The following PCDH15 variants were observed in gnomAD, a reference collection of about 807,000 sequenced individuals.
PCDH15 encodes protocadherin-15.
Under a neutral mutation model 178.5 loss-of-function variants are expected in PCDH15, and 129 were observed. The ratio of observed to expected loss-of-function variants is 0.72; its 90% CI spans 0.63 to 0.84. The LOEUF is 0.84. PCDH15 is among the 40% of genes least tolerant of loss of function. The pLI, the probability that PCDH15 is intolerant of heterozygous loss-of-function variation, is 0.00. For missense variants in PCDH15, 2,230 were observed against 2,099.9 expected (o/e 1.06, Z -1.21); for synonymous variants, 800 against 732.0 (o/e 1.09, Z -1.50).
At chr10:55,157,764 T>C (rs1204073067) in intron 2 of PCDH15, among the ~76,000 whole-genome samples, 2 of 151,316 alleles carry the variant, frequency 1.3e-5, no homozygotes, top group East Asian at 2.0e-4. Context: ...ATGAGAACAC[T>C]TGGACACAGG....
chr10:54,672,568 T>C lies in PCDH15; in HGVS notation c.-28-8278A>G, dbSNP rs189108098. Reference sequence around the variant, plus strand: ...AGGACATATGCCAGGGAACTCCAGGTGACTTCTTGGACCAGAGGATGGCCT... The same window carrying C: ...AGGACATATGCCAGGGAACTCCAGGCGACTTCTTGGACCAGAGGATGGCCT... On this transcript the variant is annotated intron_variant, in intron 1 of 37. Transcript: ENST00000644397. Among the ~76,000 whole-genome samples the C allele has an allele frequency of 1.6e-3, 245 of 152,282 alleles. 4 individuals are homozygous for C. Among genetic ancestry groups the C allele is most frequent in the African/African-American group, 5.7e-3 (237 of 41,558 alleles).
chr10:55,239,933 TATTC>T (rs1422561119), intron 1 of PCDH15, among the ~76,000 whole-genome samples: 1 of 151,852 alleles, frequency 6.6e-6, no homozygotes, highest in Non-Finnish European at 1.5e-5. Context: ...TATGAAAAAA[TATTC>T]ATATCAAAAA....
intron 21 of PCDH15, among the ~76,000 whole-genome samples, chr10:53,970,926 C>A (rs553019149): frequency 6.6e-6 from 1 of 152,172 alleles, no homozygotes; most frequent in African/African-American, 2.4e-5. Flanking sequence ...GGAATCCTCC[C>A]TAACTCATTT....
intron 3 of PCDH15, among the ~76,000 whole-genome samples, chr10:54,814,420 A>G (rs1221654581): frequency 2.6e-5 from 4 of 152,186 alleles, no homozygotes; most frequent in Non-Finnish European, 5.9e-5. Flanking sequence ...TTAATAAAAA[A>G]GTATGGCAAA....
At position 53,970,873 on chromosome 10, in the gene PCDH15, G is replaced by A. The variant is rs146940779; in HGVS notation, c.2869-8981C>T. On this transcript the variant is annotated intron_variant, in intron 21 of 37. Coordinates refer to ENST00000644397, the MANE Select transcript of PCDH15 (RefSeq NM_001384140.1). ...TCTACCAGAGGTACAAAGTGGATCT[G>A]GTACTATTCCTTCTGAAGCTATTCC... Among the ~76,000 whole-genome samples, 337 of 152,200 alleles carry A rather than the reference G, an allele frequency of 2.2e-3. 2 individuals carry two copies. Among genetic ancestry groups the A allele is most frequent in the African/African-American group, 7.6e-3 (315 of 41,502 alleles).
At chr10:54,559,016 A>T (rs1013372692) in intron 2 of PCDH15, among the ~76,000 whole-genome samples, 4 of 152,096 alleles carry the variant, frequency 2.6e-5, no homozygotes, top group South Asian at 2.1e-4. Flanking sequence ...TGGCACAAGA[A>T]TTGCGCAGGT....
intron 28 of PCDH15, 23 bp downstream of exon 28, chr10:53,857,152 T>C (rs747696803): frequency 2.7e-6 from 4 of 1,473,704 alleles, no homozygotes; most frequent in Non-Finnish European, 3.8e-6. Context: ...AAAATAAATA[T>C]ATAAGGAGAC....
rs151208524 is a variant in PCDH15 at position 55,105,254 on chromosome 10, T to G, written c.-80+61322A>C. 1.9e-3 allele frequency among the ~76,000 whole-genome samples: 285 copies of G among 152,268 alleles called. 2 individuals carry two copies. The highest frequency in any genetic ancestry group is 3.0e-3 in the Admixed American group (46 of 15,276). On this transcript the variant is annotated intron_variant, in intron 2 of 5. Coordinates refer to the PCDH15 transcript ENST00000458638. ...TCATGACATGCCAATTTTTTTCTTA[T>G]TTTTTAAAATATTTCTCATATATGT...
intron 21 of PCDH15, among the ~76,000 whole-genome samples, chr10:53,971,332 T>A (rs11497826): frequency 0.017 from 2,542 of 152,304 alleles, 76 homozygotes; most frequent in African/African-American, 0.058. Context: ...GCCAATATCA[T>A]ACTGAATGGG....
chr10:54,343,476 C>T (rs1369741804), intron 6 of PCDH15, among the ~76,000 whole-genome samples: 1 of 152,044 alleles, frequency 6.6e-6, no homozygotes, highest in Admixed American at 6.6e-5. Context: ...ATTACCCAGT[C>T]TTAGTTATTC....
At chr10:54,603,374 A>G in intron 2 of PCDH15, among the ~76,000 whole-genome samples, 1 of 151,480 alleles carries the variant, frequency 6.6e-6, no homozygotes, top group East Asian at 1.9e-4. Flanking sequence ...TCCTTTTTAA[A>G]ATTTATTTTT....
chr10:55,478,126 G>A (rs915452518), intron 2 of PCDH15, among the ~76,000 whole-genome samples: 1 of 151,634 alleles, frequency 6.6e-6, no homozygotes, highest in South Asian at 2.1e-4. Flanking sequence ...AATAATAAAT[G>A]TAAAAATACA....
chr10:53,985,169 T>C (rs2091006924), intron 21 of PCDH15, among the ~76,000 whole-genome samples: 1 of 152,204 alleles, frequency 6.6e-6, no homozygotes, highest in African/African-American at 2.4e-5. Context: ...TTACTAAGAA[T>C]TGTTTTTGTA....
Position 53,857,192 on chromosome 10 carries a change from C to A in PCDH15, c.3789G>T (p.Lys1263Asn). Reference protein sequence around the residue: ...SNVPPTLVEKKIEDLTEILDR... With the variant: ...SNVPPTLVEKNIEDLTEILDR... Reference sequence around the variant, plus strand: ...TCAATTACTCTGTAAGATCTTCTATCTTTTTTTCCACTAGAGTAGGAGGCA... The same window carrying A: ...TCAATTACTCTGTAAGATCTTCTATATTTTTTTCCACTAGAGTAGGAGGCA... Residue 1263 changes from lysine to asparagine, a missense_variant, in exon 28 of 38, where the codon AAG becomes AAT. Transcript: ENST00000644397. 1 of 1,602,970 alleles carries A rather than the reference C, an allele frequency of 6.2e-7. No individual in the cohort carries two copies. The highest frequency in any genetic ancestry group is 1.7e-5 in the Admixed American group (1 of 59,842).
chr10:54,918,421 G>A (rs1314062030), intron 2 of PCDH15, among the ~76,000 whole-genome samples: 3 of 152,088 alleles, frequency 2.0e-5, no homozygotes, highest in African/African-American at 4.8e-5. Context: ...AAAAAATACT[G>A]TTCCGTGGAA....
At chr10:54,526,310 C>T (rs995930763) in intron 3 of PCDH15, among the ~76,000 whole-genome samples, 7 of 152,092 alleles carry the variant, frequency 4.6e-5, no homozygotes, top group African/African-American at 1.7e-4. Flanking sequence ...TTTATTTCAG[C>T]CCAGCTTACA....
intron 1 of PCDH15, among the ~76,000 whole-genome samples, chr10:55,256,234 AG>A: frequency 6.6e-6 from 1 of 152,292 alleles, no homozygotes; most frequent in South Asian, 2.1e-4. Context: ...TGTTTTTGTC[AG>A]GTTTGTCAAA....
At chr10:54,351,472 G>C (rs1388630504) in intron 5 of PCDH15, among the ~76,000 whole-genome samples, 1 of 152,018 alleles carries the variant, frequency 6.6e-6, no homozygotes, top group Non-Finnish European at 1.5e-5. Flanking sequence ...ATCAATTGTA[G>C]AAACTGGTTC....
chr10:54,550,307 C>A (rs933918450), intron 2 of PCDH15, among the ~76,000 whole-genome samples: 3 of 152,184 alleles, frequency 2.0e-5, no homozygotes, highest in Non-Finnish European at 2.9e-5. Flanking sequence ...TTCCACTATG[C>A]AACCTCTCTC....
Sources: allele counts gnomAD v4.1 joint callset (sites outside exome capture counted in the v4.1 genomes callset), GRCh38; gene constraint gnomAD v4.1.1; transcripts MANE v1.5; gene names NCBI Gene and HGNC (gene_info 2026-07-23, HGNC 2026-07-21).